Variants in LPP observed in about 807,000 individuals in gnomAD.
The protein encoded by LPP is LIM domain containing preferred translocation partner in lipoma, also known as lipoma-preferred partner.
In LPP, 38 loss-of-function variants were observed where a neutral mutation model predicts 60.4. The ratio of observed to expected loss-of-function variants is 0.63; its 90% confidence interval spans 0.49 to 0.83. The LOEUF (loss-of-function observed/expected upper bound fraction) is 0.83. Among genes scored for constraint, LPP ranks in the 40% least tolerant of loss-of-function variants. LPP has a pLI of 0.00. For missense variants in LPP, 902 were observed against 783.6 expected, an observed-to-expected ratio of 1.15 and a Z score of -1.80; for synonymous variants, 328 against 290.8, an observed-to-expected ratio of 1.13 and a Z score of -1.30.
intron 2 of LPP, among the ~76,000 whole-genome samples, chr3:188,309,130 C>T (rs1032418327): frequency 6.6e-6 from 1 of 150,824 alleles, no homozygotes; most frequent in Non-Finnish European, 1.5e-5. Flanking sequence ...AAGCGATTCT[C>T]CTGCCTTAGC....
intron 1 of LPP, among the ~76,000 whole-genome samples, chr3:188,224,306 A>G (rs183420220): frequency 3.9e-5 from 6 of 152,318 alleles, no homozygotes; most frequent in Non-Finnish European, 8.8e-5. Flanking sequence ...AAACAATTGT[A>G]TGATTGGCTA....
At chr3:188,639,991 C>T (rs1380571400) in intron 7 of LPP, among the ~76,000 whole-genome samples, 1 of 152,022 alleles carries the variant, frequency 6.6e-6, no homozygotes, top group Non-Finnish European at 1.5e-5. Context: ...CTAGAAATAC[C>T]ATTTGACCCA....
At chr3:188,556,976 T>G (rs1368828694) in intron 6 of LPP, among the ~76,000 whole-genome samples, 1 of 152,120 alleles carries the variant, frequency 6.6e-6, no homozygotes. Context: ...TTCACAGGCA[T>G]GACCCTCTGT....
At chr3:188,354,184 G>T (rs1249899243) in intron 3 of LPP, among the ~76,000 whole-genome samples, 1 of 151,886 alleles carries the variant, frequency 6.6e-6, no homozygotes, top group South Asian at 2.1e-4. Context: ...CACAAATGTC[G>T]AGCAGTCTTC....
chr3:188,874,613 T>A lies in LPP; in HGVS notation c.*134T>A. On this transcript the variant is annotated 3_prime_UTR_variant, in exon 12 of 12. Transcript: ENST00000617246. The stretch of plus-strand genomic sequence containing the variant: ...CTATTAACCTTGCCTTAGAAACACA[T>A]AAATTATGAGATTTTTTTTAAAAGT... 1 of 1,009,364 alleles carries A rather than the reference T, an allele frequency of 9.9e-7. No individual in the cohort carries two copies. The highest frequency in any genetic ancestry group is 1.4e-6 in the Non-Finnish European group (1 of 715,478). 62.5% of individuals were successfully genotyped at this position (1,009,364 alleles called of 1,614,324 possible). A position where few individuals can be genotyped will look rare whatever the true frequency, so the allele number is the denominator to read the frequency against.
Position 188,721,434 on chromosome 3 carries a change from G to T in LPP, c.1240+13041G>T, listed in dbSNP as rs569252753. 5.3e-5 allele frequency among the ~76,000 whole-genome samples: 8 copies of T among 152,122 alleles called. No homozygotes were observed. In the South Asian group the frequency reaches 1.7e-3, roughly 32 times the overall value. On this transcript the variant is annotated intron_variant, in intron 8 of 11. Transcript: ENST00000617246. ...CTAGGTATAGTGATGCACATCTGTG[G>T]TTCCAGCTACTCATGAGGCTGAGAT...
At chr3:188,351,124 T>C (rs1244441056) in intron 3 of LPP, among the ~76,000 whole-genome samples, 1 of 152,240 alleles carries the variant, frequency 6.6e-6, no homozygotes, top group East Asian at 1.9e-4. Flanking sequence ...ATTTAAGGAT[T>C]ACTTTCTGCT....
At chr3:188,766,122 TG>T (rs1368613250) in intron 9 of LPP, among the ~76,000 whole-genome samples, 2 of 151,906 alleles carry the variant, frequency 1.3e-5, no homozygotes, top group African/African-American at 4.8e-5. Flanking sequence ...TCCACTGCCT[TG>T]GCCTCCCAAA....
intron 4 of LPP, among the ~76,000 whole-genome samples, chr3:188,410,024 A>T (rs1419660640): frequency 6.6e-6 from 1 of 152,156 alleles, no homozygotes; most frequent in Non-Finnish European, 1.5e-5. Context: ...TACAATTCTT[A>T]TGACAATGTG....
chr3:188,668,701 T>C (rs2149222341), intron 7 of LPP, among the ~76,000 whole-genome samples: 1 of 152,304 alleles, frequency 6.6e-6, no homozygotes, highest in Admixed American at 6.5e-5. Context: ...GATCACTGAG[T>C]CATTTGCTGT....
At chr3:188,496,240 C>G (rs1810165959) in intron 5 of LPP, among the ~76,000 whole-genome samples, 1 of 152,124 alleles carries the variant, frequency 6.6e-6, no homozygotes, top group East Asian at 1.9e-4. Flanking sequence ...ATTCTCCCGC[C>G]TCAGCCTCCT....
At chr3:188,816,939 A>G (rs972624918) in intron 9 of LPP, among the ~76,000 whole-genome samples, 74 of 152,372 alleles carry the variant, frequency 4.9e-4, no homozygotes, top group African/African-American at 1.6e-3. Context: ...TTGGTAAAGA[A>G]AAGCTGCTTT....
chr3:188,826,776 C>A lies in LPP; in HGVS notation c.1411-39424C>A, dbSNP rs539506666. ...TGAAAGTGACAGTCATCTCTGGACCCCCCCCACTCTCATCTCTGCACCTCT... is the reference window on the plus strand; with the variant it reads ...TGAAAGTGACAGTCATCTCTGGACCACCCCCACTCTCATCTCTGCACCTCT... On this transcript the variant is annotated intron_variant, in intron 9 of 11. Coordinates refer to ENST00000617246, the MANE Select transcript of LPP (RefSeq NM_001375462.1). 8.5e-5 allele frequency among the ~76,000 whole-genome samples: 13 copies of A among 152,120 alleles called. No homozygotes were observed. In the South Asian group the frequency reaches 1.7e-3, roughly 19 times the overall value.
chr3:188,483,631 G>A (rs1028731983), intron 4 of LPP, among the ~76,000 whole-genome samples: 1 of 152,132 alleles, frequency 6.6e-6, no homozygotes, highest in African/African-American at 2.4e-5. Flanking sequence ...GGATATATGT[G>A]TATAACTTAG....
chr3:188,371,426 GTCATCTTTGATGCCTACCATGACCAGGTA>G (rs1200081556), intron 3 of LPP, among the ~76,000 whole-genome samples: 1 of 151,104 alleles, frequency 6.6e-6, no homozygotes, highest in Non-Finnish European at 1.5e-5. Flanking sequence ...ATTCTGTCAA[GTCATCTTTGATGCCTACCATGACCAGGTA>G]TCAGACATGC....
At chr3:188,720,100 A>G (rs975553399) in intron 8 of LPP, among the ~76,000 whole-genome samples, 20 of 152,148 alleles carry the variant, frequency 1.3e-4, no homozygotes, top group African/African-American at 3.9e-4. Context: ...TTTAGTAGCT[A>G]TGGGGTTTTA....
At chr3:188,815,975 A>G (rs1752358169) in intron 9 of LPP, among the ~76,000 whole-genome samples, 1 of 152,232 alleles carries the variant, frequency 6.6e-6, no homozygotes. Context: ...AGTAAATTTC[A>G]TAAGAAAAAA....
intron 8 of LPP, among the ~76,000 whole-genome samples, chr3:188,752,818 G>A (rs922517136): frequency 6.6e-6 from 1 of 152,188 alleles, no homozygotes; most frequent in East Asian, 1.9e-4. Flanking sequence ...TGTTACAGCA[G>A]TGGTTCTCAA....
At chr3:188,406,852 A>G (rs762756717) in intron 4 of LPP, among the ~76,000 whole-genome samples, 46 of 152,306 alleles carry the variant, frequency 3.0e-4, no homozygotes, top group Non-Finnish European at 5.6e-4. Context: ...TCCCAGACAA[A>G]TATGAGTGAA....
Sources: allele counts gnomAD v4.1 joint callset (sites outside exome capture counted in the v4.1 genomes callset), GRCh38; gene constraint gnomAD v4.1.1; transcripts MANE v1.5; gene names NCBI Gene and HGNC (gene_info 2026-07-23, HGNC 2026-07-21).